PAXBP1: variants seen among roughly 807,000 people sequenced by gnomAD.
PAXBP1 encodes the protein PAX3 and PAX7 binding protein 1, also known as PAX3- and PAX7-binding protein 1.
A neutral mutation model predicts 119.9 loss-of-function variants in PAXBP1; 44 were observed. That is an observed-to-expected ratio of 0.37 (90% CI 0.29 to 0.47). The LOEUF is 0.47. PAXBP1 is among the 20% of genes least tolerant of loss of function. PAXBP1 has a pLI of 0.99. For synonymous variants in PAXBP1, 393 were observed against 406.6 expected, an observed-to-expected ratio of 0.97 and a Z score of 0.40; for missense variants, 898 against 1,134.1, an observed-to-expected ratio of 0.79 and a Z score of 2.99.
rs2044342110 is a variant in PAXBP1 at position 32,771,315 on chromosome 21, G to A, written c.343+11C>T. 1 of 1,573,520 alleles carries A rather than the reference G, an allele frequency of 6.4e-7. No homozygotes were observed. The highest frequency in any genetic ancestry group is 8.6e-7 in the Non-Finnish European group (1 of 1,167,712). Reference sequence around the variant, plus strand: ...GCGGCCGTCTAAGGGCGTCCGAAGCGCGCACTTTACCTTCCTCCTCGTCCT... The same window carrying A: ...GCGGCCGTCTAAGGGCGTCCGAAGCACGCACTTTACCTTCCTCCTCGTCCT... On this transcript the variant is annotated intron_variant, in intron 1 of 17. Transcript: ENST00000331923.
At chr21:32,753,425 C>CAAAAA (rs757858309) in intron 8 of PAXBP1, among the ~76,000 whole-genome samples, 2 of 90,976 alleles carry the variant, frequency 2.2e-5, no homozygotes, top group African/African-American at 4.0e-5. Flanking sequence ...GACTCCGTCT[C>CAAAAA]AAAAAAAAAA....
At chr21:32,771,294 C>A (rs1353814858) in intron 1 of PAXBP1, 32 bp downstream of exon 1, 2 of 1,537,720 alleles carry the variant, frequency 1.3e-6, no homozygotes, top group African/African-American at 1.4e-5. Context: ...GGGGATGCGG[C>A]CGTCTAAGGG....
rs199815719 is a variant in PAXBP1, at chr21:32,771,391, T to C, written c.278A>G (p.Lys93Arg). 4.4e-6 allele frequency: 7 copies of C among 1,575,910 alleles called. No homozygotes were observed. In the African/African-American group the frequency reaches 5.6e-5, roughly 13 times the overall value. The change falls in exon 1 of 18, where the codon AAG becomes AGG. Residue 93 changes from lysine (K) to arginine (R), a missense_variant. Lys to Arg is a conservative substitution (Grantham distance 26). Transcript: ENST00000331923. The part of the protein sequence containing the change: ...AEPGNGLKPR[K>R]RPRENKEVPR... Reference sequence around the variant, plus strand: ...CACCTCTTTGTTCTCGCGAGGCCTCTTGCGCGGCTTCAGCCCGTTGCCGGG... The same window carrying C: ...CACCTCTTTGTTCTCGCGAGGCCTCCTGCGCGGCTTCAGCCCGTTGCCGGG...
intron 2 of PAXBP1, among the ~76,000 whole-genome samples, chr21:32,768,068 C>T (rs950305503): frequency 1.3e-5 from 2 of 152,216 alleles, no homozygotes; most frequent in African/African-American, 2.4e-5. Context: ...CTCTCCAAAA[C>T]TCATGTTGAA....
rs2044182636 is a variant in PAXBP1, at chr21:32,763,377, A to T, written c.649+971T>A. Among the ~76,000 whole-genome samples, 3 of 152,158 alleles carry T rather than the reference A, an allele frequency of 2.0e-5. No individual in the cohort carries two copies. In the South Asian group the frequency reaches 6.2e-4, roughly 31 times the overall value. On this transcript the variant is annotated intron_variant, in intron 3 of 17. Transcript: ENST00000331923. The stretch of plus-strand genomic sequence containing the variant: ...TAAAAACATGGTTTCCTTGGGATAA[A>T]TCTCTAGATATGAAATTACTGGGTC...
intron 10 of PAXBP1, among the ~76,000 whole-genome samples, chr21:32,749,009 C>T (rs1412602755): frequency 6.6e-6 from 1 of 152,070 alleles, no homozygotes; most frequent in East Asian, 1.9e-4. Flanking sequence ...GTGTATTAGC[C>T]ATAAGTAATT....
At chr21:32,741,131 C>T (rs368260751) in intron 15 of PAXBP1, among the ~76,000 whole-genome samples, 87 of 152,284 alleles carry the variant, frequency 5.7e-4, no homozygotes, top group Non-Finnish European at 1.0e-3. Context: ...CTGGTAAGAA[C>T]GCAAAATTAT....
rs200676480 is a variant in PAXBP1 at position 32,738,341 on chromosome 21, G to A, written c.2335-22C>T. The A allele has an allele frequency of 2.6e-6, 4 of 1,561,338 alleles. No homozygotes were observed. In the African/African-American group the frequency reaches 5.6e-5, roughly 22 times the overall value. ...ACAGCTGGAAAGAAGAAAAAAAATA[G>A]GTAATGTGAAACAATTAGATTAGGT... On this transcript the variant is annotated intron_variant, in intron 15 of 17. Coordinates refer to ENST00000331923, the MANE Select transcript of PAXBP1 (RefSeq NM_016631.4).
intron 7 of PAXBP1, chr21:32,756,640 C>A: frequency 3.8e-6 from 1 of 263,530 alleles, no homozygotes; most frequent in South Asian, 3.6e-5. Flanking sequence ...ACAACATTGC[C>A]ATTTACACTT....
chr21:32,751,819 T>A (rs1051827935), intron 8 of PAXBP1: 1 of 152,314 alleles, frequency 6.6e-6, no homozygotes, highest in Non-Finnish European at 1.5e-5. Context: ...TTTTATTTTA[T>A]TTTTTTGGTC....
intron 17 of PAXBP1, among the ~76,000 whole-genome samples, chr21:32,735,367 A>ATT: frequency 6.6e-6 from 1 of 152,294 alleles, no homozygotes; most frequent in East Asian, 1.9e-4. Context: ...AAAGAAAAGA[A>ATT]AGCAATCTGT....
chr21:32,734,425 T>A lies in PAXBP1; in HGVS notation c.*525A>T, dbSNP rs1364934195. ...TAAGTCCACAACTCAACTCTCAATG[T>A]TAAGGCAGCACAGCTACAGTGATAG... On this transcript the variant is annotated 3_prime_UTR_variant, in exon 18 of 18. Coordinates refer to ENST00000331923, the MANE Select transcript of PAXBP1 (RefSeq NM_016631.4). The A allele has an allele frequency of 6.5e-6, 1 of 154,684 alleles. No homozygotes were observed. Among genetic ancestry groups the A allele is most frequent in the East Asian group, 1.9e-4 (1 of 5,260 alleles). The allele number at this position is 154,684 out of a possible 1,614,324, so 9.6% of individuals were successfully genotyped here. A position where few individuals can be genotyped will look rare whatever the true frequency, so the allele number is the denominator to read the frequency against.
At chr21:32,758,293 C>A (rs1469376360) in intron 7 of PAXBP1, among the ~76,000 whole-genome samples, 2 of 151,208 alleles carry the variant, frequency 1.3e-5, no homozygotes, top group African/African-American at 4.9e-5. Flanking sequence ...AAAGTTCAGA[C>A]AGGATATTTA....
chr21:32,751,472 G>T (rs1343367206), intron 8 of PAXBP1: 2 of 320,164 alleles, frequency 6.2e-6, no homozygotes, highest in African/African-American at 4.2e-5. Context: ...ATGTAATTGG[G>T]CTTACTCACT....
chr21:32,743,504 C>T (rs1030183782), intron 14 of PAXBP1, among the ~76,000 whole-genome samples, 174 bp downstream of exon 14: 5 of 152,258 alleles, frequency 3.3e-5, no homozygotes, highest in Non-Finnish European at 5.9e-5. Flanking sequence ...TCAGGGAGAA[C>T]GTAAGAGTAT....
intron 7 of PAXBP1, 137 bp downstream of exon 7, chr21:32,758,943 T>C (rs1222200561): frequency 1.2e-6 from 1 of 805,284 alleles, no homozygotes; most frequent in African/African-American, 1.7e-5. Context: ...TGAAGAAAAA[T>C]GAAGCATGAC....
chr21:32,769,682 T>G, intron 2 of PAXBP1, 132 bp downstream of exon 2: 1 of 784,612 alleles, frequency 1.3e-6, no homozygotes, highest in East Asian at 2.8e-5. Context: ...AACAGAACTG[T>G]ACTGCTACTC....
At chr21:32,754,356 C>T (rs1341842520) in intron 8 of PAXBP1, among the ~76,000 whole-genome samples, 2 of 152,134 alleles carry the variant, frequency 1.3e-5, no homozygotes, top group Non-Finnish European at 2.9e-5. Flanking sequence ...AAACGAGTAT[C>T]AGGTAATTGT....
chr21:32,752,827 T>C (rs1300681138), intron 8 of PAXBP1, among the ~76,000 whole-genome samples: 1 of 151,978 alleles, frequency 6.6e-6, no homozygotes, highest in Non-Finnish European at 1.5e-5. Context: ...AGAGACGGGG[T>C]TTTGCCATGT....
Sources: allele counts gnomAD v4.1 joint callset (sites outside exome capture counted in the v4.1 genomes callset), GRCh38; gene constraint gnomAD v4.1.1; transcripts MANE v1.5; gene names NCBI Gene and HGNC (gene_info 2026-07-23, HGNC 2026-07-21).